RALY: variants seen among roughly 807,000 people sequenced by gnomAD.
RALY encodes the protein RALY heterogeneous nuclear ribonucleoprotein.
In RALY, 15 loss-of-function variants were observed where a neutral mutation model predicts 30.7. The ratio of observed to expected loss-of-function variants is 0.49; its 90% confidence interval spans 0.33 to 0.75. The LOEUF (loss-of-function observed/expected upper bound fraction) is 0.75. RALY is among the 30% of genes least tolerant of loss of function. The pLI is 0.02. For synonymous variants in RALY, 177 were observed against 170.8 expected, an observed-to-expected ratio of 1.04 and a Z score of -0.28; for missense variants, 339 against 414.3, an observed-to-expected ratio of 0.82 and a Z score of 1.58.
At chr20:34,000,282 A>G (rs1161752836) in intron 1 of RALY, among the ~76,000 whole-genome samples, 1 of 151,876 alleles carries the variant, frequency 6.6e-6, no homozygotes, top group East Asian at 1.9e-4. Context: ...TGTGGGCTGG[A>G]CTAAGGTCCT....
intron 9 of RALY, 40 bp downstream of exon 9, chr20:34,078,593 C>A: frequency 1.3e-6 from 2 of 1,498,140 alleles, no homozygotes; most frequent in Non-Finnish European, 1.8e-6. Flanking sequence ...GGTGGGGAAT[C>A]AGTGAAGTGG....
Position 33,993,951 on chromosome 20 carries a change from A to C in RALY, c.-273A>C, listed in dbSNP as rs1290275210. ...CGCGCGAGCGGCGCCAGCTCGGGGC[A>C]GCGGAACCCAGAGAAGCTGAGGGGG... On this transcript the variant is annotated 5_prime_UTR_variant, in exon 1 of 10. Transcript: ENST00000246194. 1.3e-5 allele frequency: 2 copies of C among 151,900 alleles called. No individual in the cohort carries two copies. Among genetic ancestry groups the C allele is most frequent in the Non-Finnish European group, 2.9e-5 (2 of 67,938 alleles). The allele number at this position is 151,900 out of a possible 1,614,324, so 9.4% of individuals were successfully genotyped here. A position where few individuals can be genotyped will look rare whatever the true frequency, so the allele number is the denominator to read the frequency against.
intron 2 of RALY, among the ~76,000 whole-genome samples, chr20:34,050,074 A>G (rs1283810819): frequency 6.6e-6 from 1 of 152,120 alleles, no homozygotes; most frequent in Non-Finnish European, 1.5e-5. Context: ...GTTCCATCTC[A>G]TGCCATTTAC....
intron 2 of RALY, chr20:34,065,002 G>A (rs573379595): frequency 6.6e-6 from 1 of 152,278 alleles, no homozygotes; most frequent in South Asian, 2.1e-4. Context: ...TATTTCATGT[G>A]CATTTGTCCT....
At chr20:34,056,921 G>C (rs551929563) in intron 2 of RALY, among the ~76,000 whole-genome samples, 2 of 152,230 alleles carry the variant, frequency 1.3e-5, no homozygotes, top group East Asian at 3.9e-4. Flanking sequence ...TCCACTTCTG[G>C]GAGTCTGTCC....
intron 5 of RALY, among the ~76,000 whole-genome samples, chr20:34,075,129 TG>T (rs888585829): frequency 9.9e-5 from 15 of 151,890 alleles, no homozygotes; most frequent in African/African-American, 1.7e-4. Context: ...CTGGGAGCCC[TG>T]GGGGGGTCTG....
intron 1 of RALY, among the ~76,000 whole-genome samples, chr20:34,029,445 AAAGAAAGG>A (rs1288915542): frequency 7.2e-6 from 1 of 138,870 alleles, no homozygotes; most frequent in African/African-American, 2.7e-5. Context: ...TGCAAAACAT[AAAGAAAGG>A]AAGAAAGGAG....
At chr20:34,074,651 C>G (rs2033824636) in intron 5 of RALY, among the ~76,000 whole-genome samples, 1 of 152,078 alleles carries the variant, frequency 6.6e-6, no homozygotes, top group Non-Finnish European at 1.5e-5. Context: ...CTCAGCTCTG[C>G]CACTGAATGG....
intron 2 of RALY, among the ~76,000 whole-genome samples, chr20:34,058,999 G>C (rs1476008158): frequency 1.3e-5 from 2 of 152,108 alleles, no homozygotes; most frequent in East Asian, 3.9e-4. Context: ...GGAGACAAAG[G>C]CAGAGTGGCT....
intron 2 of RALY, among the ~76,000 whole-genome samples, chr20:34,055,712 C>G (rs1305414221): frequency 1.3e-5 from 2 of 152,202 alleles, no homozygotes; most frequent in East Asian, 3.8e-4. Context: ...CATACCACAA[C>G]TAGCAGGGCA....
intron 8 of RALY, 127 bp downstream of exon 8, chr20:34,077,372 G>T (rs2033922830): frequency 1.3e-6 from 2 of 1,536,740 alleles, no homozygotes; most frequent in South Asian, 1.2e-5. Context: ...CTTCCCAGGG[G>T]TTCTGGTCCT....
At chr20:34,041,323 G>A (rs2032691571) in intron 2 of RALY, among the ~76,000 whole-genome samples, 1 of 152,210 alleles carries the variant, frequency 6.6e-6, no homozygotes, top group Admixed American at 6.5e-5. Flanking sequence ...AGATTGTTCT[G>A]ATAGGTTCTC....
intron 1 of RALY, among the ~76,000 whole-genome samples, chr20:34,004,361 C>T (rs2031063871): frequency 6.6e-6 from 1 of 152,186 alleles, no homozygotes; most frequent in South Asian, 2.1e-4. Context: ...TACCTTATCT[C>T]CCATACTATG....
chr20:34,060,869 G>A (rs2033396339), intron 2 of RALY, among the ~76,000 whole-genome samples: 1 of 152,164 alleles, frequency 6.6e-6, no homozygotes, highest in Non-Finnish European at 1.5e-5. Context: ...AAAATTTGAC[G>A]ACGCACATGG....
intron 1 of RALY, among the ~76,000 whole-genome samples, chr20:34,028,124 A>G (rs2032113325): frequency 1.3e-5 from 2 of 152,126 alleles, no homozygotes; most frequent in South Asian, 4.1e-4. Flanking sequence ...CGTCTCCACT[A>G]AAAACACAAA....
chr20:34,077,029 T>C lies in RALY; in HGVS notation c.660T>C (p.Asp220=). The C allele has an allele frequency of 6.2e-7, 1 of 1,609,718 alleles. No individual in the cohort carries two copies. Among genetic ancestry groups the C allele is most frequent in the Non-Finnish European group, 8.5e-7 (1 of 1,178,588 alleles). Residue 220 remains aspartate, a splice_region_variant and synonymous_variant, in exon 8 of 10, where the codon GAT becomes GAC. Transcript: ENST00000246194. ...QIAAEQKANP[D]GKKKGDGGGA... is the part of the protein sequence containing the mutation. Reference sequence around the variant, plus strand: ...CCTCCTCCACCCCTTCCCCTCAAGATGGCAAGAAGAAGGGTGATGGAGGTG... The same window carrying C: ...CCTCCTCCACCCCTTCCCCTCAAGACGGCAAGAAGAAGGGTGATGGAGGTG...
At chr20:34,024,130 C>G (rs1317333436) in intron 1 of RALY, among the ~76,000 whole-genome samples, 1 of 152,104 alleles carries the variant, frequency 6.6e-6, no homozygotes, top group Non-Finnish European at 1.5e-5. Flanking sequence ...CTGCTCTGGT[C>G]TTACCTCCCT....
At chr20:34,079,244 A>G (rs1876848611) in intron 9 of RALY, among the ~76,000 whole-genome samples, 1 of 152,180 alleles carries the variant, frequency 6.6e-6, no homozygotes, top group African/African-American at 2.4e-5. Flanking sequence ...TACCAATATA[A>G]TAGATGTGGA....
intron 1 of RALY, among the ~76,000 whole-genome samples, chr20:34,004,436 A>T (rs1008084511): frequency 2.6e-5 from 4 of 152,212 alleles, no homozygotes; most frequent in African/African-American, 9.7e-5. Flanking sequence ...TTCCAGAAAG[A>T]ATGGTCACAG....
Sources: allele counts gnomAD v4.1 joint callset (sites outside exome capture counted in the v4.1 genomes callset), GRCh38; gene constraint gnomAD v4.1.1; transcripts MANE v1.5; gene names NCBI Gene and HGNC (gene_info 2026-07-23, HGNC 2026-07-21).